RNF138: variants seen among roughly 807,000 people sequenced by gnomAD.
RNF138 encodes the protein E3 ubiquitin-protein ligase RNF138.
A neutral mutation model predicts 31.0 loss-of-function variants in RNF138; 12 were observed. The observed-to-expected ratio is 0.39, with a 90% confidence interval of 0.25 to 0.63. RNF138 has a LOEUF of 0.63. RNF138 is among the 20% of genes least tolerant of loss of function. RNF138 has a pLI of 0.52. For synonymous variants in RNF138, 105 were observed against 99.5 expected (o/e 1.06, Z -0.33); for missense variants, 192 against 300.1 (o/e 0.64, Z 2.66).
rs1421547913 is a variant in RNF138 at position 32,131,325 on chromosome 18, G to A, written c.*2138G>A. On this transcript the variant is annotated 3_prime_UTR_variant, in exon 8 of 8. Transcript: ENST00000261593. ...TTCCCCTCTTTTTGTCAGTGCATTGGGAATAGGGATAGACTTTACAGATTT... is the reference window on the plus strand; with the variant it reads ...TTCCCCTCTTTTTGTCAGTGCATTGAGAATAGGGATAGACTTTACAGATTT... 2.0e-5 allele frequency: 3 copies of A among 151,988 alleles called. No individual in the cohort carries two copies. The highest frequency in any genetic ancestry group is 4.4e-5 in the Non-Finnish European group (3 of 67,960). The allele number at this position is 151,988 out of a possible 1,614,324, so 9.4% of individuals were successfully genotyped here.
intron 4 of RNF138, among the ~76,000 whole-genome samples, chr18:32,121,090 G>A (rs57166978): frequency 0.02 from 2,981 of 151,210 alleles, 93 homozygotes; most frequent in African/African-American, 0.069. Context: ...AGCCGCGATC[G>A]CGCCGCTGCA....
intron 2 of RNF138, among the ~76,000 whole-genome samples, chr18:32,099,154 T>C (rs1404644923): frequency 6.6e-6 from 1 of 152,136 alleles, no homozygotes; most frequent in Admixed American, 6.6e-5. Flanking sequence ...GAGACCTTTT[T>C]TGGTTATAGG....
intron 2 of RNF138, among the ~76,000 whole-genome samples, chr18:32,108,936 G>C (rs1416398044): frequency 6.6e-6 from 1 of 151,972 alleles, no homozygotes; most frequent in Non-Finnish European, 1.5e-5. Flanking sequence ...CCAAAGTGCT[G>C]GGATTATAGG....
chr18:32,092,791 C>T lies in RNF138; in HGVS notation c.15C>T (p.Leu5=). ...CATCCCCCGCCATGGCCGAGGACCT[C>T]TCTGCGGCCACGTCCTACACCGAAG... MAED[L]SAATSYTEDD... The change falls in exon 2 of 8, where the codon CTC becomes CTT. Residue 5 remains leucine (L), a synonymous_variant. Coordinates refer to ENST00000261593, the MANE Select transcript of RNF138 (RefSeq NM_016271.5). 1 of 1,588,530 alleles carries T rather than the reference C, an allele frequency of 6.3e-7. No homozygotes were observed. The highest frequency in any genetic ancestry group is 1.1e-5 in the South Asian group (1 of 87,368).
chr18:32,128,932 A>T (rs1467809897), intron 7 of RNF138, among the ~76,000 whole-genome samples, 187 bp from the exon 8 acceptor site: 1 of 152,220 alleles, frequency 6.6e-6, no homozygotes, highest in East Asian at 1.9e-4. Context: ...TTAATGTCTT[A>T]TTAAAGTTCA....
At chr18:32,092,908 C>A in intron 2 of RNF138, 22 bp downstream of exon 2, 1 of 1,405,736 alleles carries the variant, frequency 7.1e-7, no homozygotes. Flanking sequence ...CCCCCTCCCC[C>A]TCGCGGAGCC....
chr18:32,122,504 T>C (rs2040322915), intron 4 of RNF138: 1 of 152,154 alleles, frequency 6.6e-6, no homozygotes, highest in Non-Finnish European at 1.5e-5. Context: ...AGATTTCTAC[T>C]ATTGAAAGAC....
At chr18:32,112,643 T>G (rs1051437751) in intron 3 of RNF138, among the ~76,000 whole-genome samples, 5 of 152,050 alleles carry the variant, frequency 3.3e-5, no homozygotes, top group African/African-American at 1.2e-4. Flanking sequence ...GATTGCGCCA[T>G]TGCACTCCAA....
intron 4 of RNF138, among the ~76,000 whole-genome samples, chr18:32,117,793 A>T (rs1371337167): frequency 6.6e-6 from 1 of 152,222 alleles, no homozygotes; most frequent in Non-Finnish European, 1.5e-5. Flanking sequence ...GTAGTTTCTC[A>T]TAATAATTAG....
intron 6 of RNF138, 192 bp downstream of exon 6, chr18:32,125,037 AT>A (rs1192885771): frequency 1.2e-5 from 6 of 521,620 alleles, no homozygotes; most frequent in Non-Finnish European, 1.7e-5. Context: ...AGTAACTCTC[AT>A]TATAAAAAGG....
At chr18:32,109,153 CTTTCTTTTTT>C (rs1160189149) in intron 2 of RNF138, among the ~76,000 whole-genome samples, 6 of 138,860 alleles carry the variant, frequency 4.3e-5, no homozygotes, top group Non-Finnish European at 9.5e-5. Context: ...TTGTCTTTTT[CTTTCTTTTTT>C]TTTTTTTTTA....
At chr18:32,101,827 T>G (rs1470504252) in intron 2 of RNF138, among the ~76,000 whole-genome samples, 1 of 152,214 alleles carries the variant, frequency 6.6e-6, no homozygotes, top group Non-Finnish European at 1.5e-5. Context: ...AGAAGTCACA[T>G]TAAAATGTAT....
chr18:32,104,378 A>C (rs1568228758), intron 2 of RNF138, among the ~76,000 whole-genome samples: 1 of 152,170 alleles, frequency 6.6e-6, no homozygotes, highest in Non-Finnish European at 1.5e-5. Flanking sequence ...AAATATACCT[A>C]GTTGTAAGCT....
chr18:32,128,082 A>AAAAGG (rs2040412077), intron 7 of RNF138, among the ~76,000 whole-genome samples: 1 of 18,814 alleles, frequency 5.3e-5, no homozygotes, highest in African/African-American at 2.0e-4. Context: ...TCCGTCTCAA[A>AAAAGG]AAAGAAAAGT....
At chr18:32,093,865 T>C (rs1027192277) in intron 2 of RNF138, among the ~76,000 whole-genome samples, 5 of 152,212 alleles carry the variant, frequency 3.3e-5, no homozygotes, top group African/African-American at 1.2e-4. Flanking sequence ...CGGGGAACTT[T>C]TTAAGTAAAC....
intron 5 of RNF138, 64 bp downstream of exon 5, chr18:32,123,638 C>A: frequency 1.0e-5 from 10 of 989,770 alleles, no homozygotes; most frequent in African/African-American, 1.7e-5. Flanking sequence ...TATCAAATAG[C>A]TTTTTAAATT....
At position 32,097,405 on chromosome 18, in the gene RNF138, C is replaced by G. The variant is rs1005829257; in HGVS notation, c.110+4519C>G. 4.6e-5 allele frequency among the ~76,000 whole-genome samples: 7 copies of G among 152,116 alleles called. No individual in the cohort carries two copies. The East Asian group carries it at 1.3e-3, about 29-fold the overall frequency. ...GTTAAGCACAAATTTGTGTAATTTC[C>G]TATTTGACCAGCTTGAACATCCAGT... is the stretch of plus-strand genomic sequence containing the variant. On this transcript the variant is annotated intron_variant, in intron 2 of 7. Transcript: ENST00000261593.
intron 2 of RNF138, among the ~76,000 whole-genome samples, chr18:32,099,821 C>G (rs982812885): frequency 6.6e-6 from 1 of 152,224 alleles, no homozygotes; most frequent in African/African-American, 2.4e-5. Context: ...CATCCAAGAT[C>G]TCCTGTTACT....
At chr18:32,110,331 T>C (rs145896976) in intron 2 of RNF138, among the ~76,000 whole-genome samples, 4 of 152,322 alleles carry the variant, frequency 2.6e-5, no homozygotes, top group African/African-American at 9.6e-5. Flanking sequence ...TAATGACTTC[T>C]AGTGCTGCTT....
Sources: allele counts gnomAD v4.1 joint callset (sites outside exome capture counted in the v4.1 genomes callset), GRCh38; gene constraint gnomAD v4.1.1; transcripts MANE v1.5; gene names NCBI Gene and HGNC (gene_info 2026-07-23, HGNC 2026-07-21).